Variants in PPFIBP2 observed in about 807,000 individuals in gnomAD.
The protein encoded by PPFIBP2 is PPFIB scaffold protein 2.
Under a neutral mutation model 118.3 loss-of-function variants are expected in PPFIBP2, and 118 were observed. The ratio of observed to expected loss-of-function variants is 1.00; its 90% CI spans 0.86 to 1.16. The LOEUF (loss-of-function observed/expected upper bound fraction) is 1.16, where lower values mean the gene tolerates loss of function less well. Among genes scored for constraint, PPFIBP2 ranks in the 50% most tolerant of loss-of-function variants. PPFIBP2 has a pLI of 0.00. For missense variants in PPFIBP2, 1,195 were observed against 1,073.1 expected (o/e 1.11, Z -1.59); for synonymous variants, 414 against 397.4 (o/e 1.04, Z -0.50).
At chr11:7,556,751 C>T (rs1321470630) in intron 2 of PPFIBP2, among the ~76,000 whole-genome samples, 1 of 152,136 alleles carries the variant, frequency 6.6e-6, no homozygotes, top group African/African-American at 2.4e-5. Context: ...GATAGTTTAT[C>T]TTGTACAGGC....
rs774679221 is a variant in PPFIBP2, at chr11:7,642,362, G to A, written c.1582G>A (p.Gly528Ser). The A allele has an allele frequency of 1.2e-6, 2 of 1,614,136 alleles. No homozygotes were observed. Among genetic ancestry groups the A allele is most frequent in the Non-Finnish European group, 1.7e-6 (2 of 1,180,000 alleles). ...GCTGGGGATGGCAGAGTTTCGACGA[G>A]GTGGGCTCCGGGCAACCGCAGGGCC... ...DTLGMAEFRR[G>S]GLRATAGPRL... Residue 528 changes from glycine (G) to serine (S), a missense_variant, in exon 17 of 24, where the codon GGT becomes AGT. Gly to Ser is a moderately conservative substitution (Grantham distance 56). Coordinates refer to ENST00000299492, the MANE Select transcript of PPFIBP2 (RefSeq NM_003621.5).
rs539995203 is a variant in PPFIBP2, at chr11:7,564,273, G to T, written c.65-1280G>T. ...AGGACATTGAAGCACTCTCTCTCTA[G>T]ATACTCATTCAGGTATATGTGCGGG... On this transcript the variant is annotated intron_variant, in intron 2 of 23. Coordinates refer to ENST00000299492, the MANE Select transcript of PPFIBP2 (RefSeq NM_003621.5). Among the ~76,000 whole-genome samples the T allele has an allele frequency of 1.3e-4, 20 of 152,244 alleles. No individual in the cohort carries two copies. The South Asian group carries it at 3.9e-3, about 30-fold the overall frequency.
At chr11:7,600,664 C>T (rs1270125468) in intron 5 of PPFIBP2, among the ~76,000 whole-genome samples, 1 of 152,218 alleles carries the variant, frequency 6.6e-6, no homozygotes, top group Non-Finnish European at 1.5e-5. Flanking sequence ...TCAGTGTGCG[C>T]CCTTCTAACT....
chr11:7,655,303 T>G, downstream of PPFIBP2: 1 of 597,556 alleles, frequency 1.7e-6, no homozygotes, highest in Non-Finnish European at 2.7e-6. Flanking sequence ...CCTGGCCCAC[T>G]CCTTGCCTGT....
intron 8 of PPFIBP2, 127 bp from the exon 9 acceptor site, chr11:7,628,158 C>G (rs1850271801): frequency 1.4e-6 from 1 of 729,274 alleles, no homozygotes; most frequent in Non-Finnish European, 2.2e-6. Flanking sequence ...ATCCCGGCCT[C>G]TTTAAAGAAC....
rs923648116 is a variant in PPFIBP2, at chr11:7,637,987, G to A, written c.1237-1745G>A. ...TGCGTGATGATGCAACCAGAAACACGTTTTTGAGAGCTCTTCCCCCCTCCA... is the reference window on the plus strand; with the variant it reads ...TGCGTGATGATGCAACCAGAAACACATTTTTGAGAGCTCTTCCCCCCTCCA... On this transcript the variant is annotated intron_variant, in intron 14 of 23. Coordinates refer to ENST00000299492, the MANE Select transcript of PPFIBP2 (RefSeq NM_003621.5). Among the ~76,000 whole-genome samples the A allele has an allele frequency of 2.6e-5, 4 of 152,170 alleles. 1 individual carries two copies. Among genetic ancestry groups the A allele is most frequent in the African/African-American group, 9.7e-5 (4 of 41,438 alleles).
At chr11:7,531,872 G>A (rs540609899) in intron 1 of PPFIBP2, among the ~76,000 whole-genome samples, 5 of 151,714 alleles carry the variant, frequency 3.3e-5, no homozygotes, top group Non-Finnish European at 5.9e-5. Flanking sequence ...GTCTCACTGT[G>A]TTGCCCATGC....
intron 3 of PPFIBP2, among the ~76,000 whole-genome samples, chr11:7,587,615 C>T (rs942163183): frequency 6.6e-6 from 1 of 152,188 alleles, no homozygotes; most frequent in Admixed American, 6.5e-5. Flanking sequence ...TTTTTCTTGG[C>T]TTTTGTTTGC....
intron 2 of PPFIBP2, among the ~76,000 whole-genome samples, chr11:7,550,382 G>T (rs772166095): frequency 6.6e-6 from 1 of 152,198 alleles, no homozygotes; most frequent in Non-Finnish European, 1.5e-5. Context: ...AGTACACAGA[G>T]TACCTGACAC....
chr11:7,563,481 GC>G (rs1854583232), intron 2 of PPFIBP2, among the ~76,000 whole-genome samples: 1 of 152,142 alleles, frequency 6.6e-6, no homozygotes, highest in Admixed American at 6.5e-5. Flanking sequence ...CCTGTATCAT[GC>G]ATTTTCAGAA....
chr11:7,654,137 C>A (rs953480890), downstream of PPFIBP2, among the ~76,000 whole-genome samples: 6 of 152,230 alleles, frequency 3.9e-5, 1 homozygote, highest in African/African-American at 1.4e-4. Flanking sequence ...GACTCTCTTT[C>A]ATGTGTTTTG....
At chr11:7,644,591 A>T (rs1196036286) in intron 17 of PPFIBP2, among the ~76,000 whole-genome samples, 2 of 151,852 alleles carry the variant, frequency 1.3e-5, no homozygotes, top group Non-Finnish European at 2.9e-5. Context: ...TCCTTTTCCT[A>T]CACGCATGGT....
At chr11:7,665,010 C>T in the PPFIBP2 span, 7 of 172,278 alleles carry the variant, frequency 4.1e-5, no homozygotes, top group East Asian at 1.2e-3. Context: ...CCAGTTGTGA[C>T]CCCCATGGGC....
chr11:7,606,411 C>T (rs1847344733), intron 5 of PPFIBP2, among the ~76,000 whole-genome samples: 1 of 152,072 alleles, frequency 6.6e-6, no homozygotes. Flanking sequence ...GGAAGTAGAG[C>T]TGGACTGGGA....
chr11:7,653,220 G>T lies in PPFIBP2; in HGVS notation c.*2G>T. The T allele has an allele frequency of 6.2e-7, 1 of 1,614,046 alleles. No individual in the cohort carries two copies. ...GACCAGGTGGGACAGATTAGCTGAT[G>T]CCCTTGTCACCTGCCCTCTGTGCAC... On this transcript the variant is annotated 3_prime_UTR_variant, in exon 24 of 24. Transcript: ENST00000299492.
intron 4 of PPFIBP2, 72 bp downstream of exon 4, chr11:7,593,296 A>C: frequency 6.4e-7 from 1 of 1,551,980 alleles, no homozygotes; most frequent in Non-Finnish European, 8.7e-7. Flanking sequence ...AGTGGAAGGG[A>C]AGCCCAAGAG....
At chr11:7,517,429 G>C (rs539868776) in intron 1 of PPFIBP2, among the ~76,000 whole-genome samples, 1 of 152,310 alleles carries the variant, frequency 6.6e-6, no homozygotes, top group East Asian at 1.9e-4. Flanking sequence ...ATGTTTTAGG[G>C]TGGGAGGTTG....
chr11:7,600,489 G>T lies in PPFIBP2; in HGVS notation c.486+2816G>T, dbSNP rs558614327. ...TGATTTGACTGAGATATCCTGGGCT[G>T]CAGGGCCCTTGGCTTCTGGTGGTAG... On this transcript the variant is annotated intron_variant, in intron 5 of 23. Transcript: ENST00000299492. 2.0e-5 allele frequency among the ~76,000 whole-genome samples: 3 copies of T among 152,380 alleles called. No homozygotes were observed. The South Asian group carries it at 6.2e-4, about 32-fold the overall frequency.
chr11:7,524,786 T>G (rs1455027591), intron 1 of PPFIBP2, among the ~76,000 whole-genome samples: 1 of 150,812 alleles, frequency 6.6e-6, no homozygotes, highest in Admixed American at 6.6e-5. Flanking sequence ...CCTGAGGGGG[T>G]GGAGATCGAT....
Sources: allele counts gnomAD v4.1 joint callset (sites outside exome capture counted in the v4.1 genomes callset), GRCh38; gene constraint gnomAD v4.1.1; transcripts MANE v1.5; gene names NCBI Gene and HGNC (gene_info 2026-07-23, HGNC 2026-07-21).